The following SAMD10 variants were observed in gnomAD, a reference collection of about 807,000 sequenced individuals.
SAMD10 encodes sterile alpha motif domain containing 10.
A neutral mutation model predicts 22.5 loss-of-function variants in SAMD10; 16 were observed. The ratio of observed to expected loss-of-function variants is 0.71; its 90% CI spans 0.48 to 1.08. The LOEUF is 1.08. Ranked by LOEUF, SAMD10 falls within the 50% of genes least tolerant of loss-of-function variation. The pLI is 0.00. For synonymous variants in SAMD10, 118 were observed against 122.2 expected (o/e 0.97, Z 0.23); for missense variants, 227 against 281.3 (o/e 0.81, Z 1.38).
Position 63,975,177 on chromosome 20 carries a change from C to T in SAMD10, c.*333G>A. The T allele has an allele frequency of 2.4e-6, 1 of 420,716 alleles. No individual in the cohort carries two copies. The highest frequency in any genetic ancestry group is 4.3e-6 in the Non-Finnish European group (1 of 234,666). The allele number at this position is 420,716 out of a possible 1,614,324, so 26.1% of individuals were successfully genotyped here. A position where few individuals can be genotyped will look rare whatever the true frequency, so the allele number is the denominator to read the frequency against. On this transcript the variant is annotated 3_prime_UTR_variant, in exon 5 of 5. Transcript: ENST00000369886. ...GAGGGGAATGTAAATAAACAGACTC[C>T]CTGGGAGTCTAGGGGGGACATCCAA...
Position 63,975,190 on chromosome 20 carries a change from G to A in SAMD10, c.*320C>T. 4.4e-6 allele frequency: 2 copies of A among 457,024 alleles called. No homozygotes were observed. The highest frequency in any genetic ancestry group is 2.6e-5 in the South Asian group (1 of 38,780). The allele number at this position is 457,024 out of a possible 1,614,324, so 28.3% of individuals were successfully genotyped here. ...ATAAACAGACTCCCTGGGAGTCTAGGGGGGACATCCAAACCGGTTCTGGCT... is the reference window on the plus strand; with the variant it reads ...ATAAACAGACTCCCTGGGAGTCTAGAGGGGACATCCAAACCGGTTCTGGCT... On this transcript the variant is annotated 3_prime_UTR_variant, in exon 5 of 5. Coordinates refer to ENST00000369886, the MANE Select transcript of SAMD10 (RefSeq NM_080621.5).
chr20:63,979,411 C>T lies in SAMD10; in HGVS notation c.57G>A (p.Val19=), dbSNP rs747867987. Residue 19 remains valine (V), a synonymous_variant, in exon 1 of 5, where the codon GTG becomes GTA. Coordinates refer to ENST00000369886, the MANE Select transcript of SAMD10 (RefSeq NM_080621.5). The surrounding 1 kb of genome is among the most constrained non-coding windows in gnomAD (Gnocchi z 7.7). ...CCCGGCGCTCCCCGAAGCCCGCGCG[C>T]ACGGCCCCGGCGCGGCCACGCGGGG... ...LSPPRGRAGA[V]RAGFGERRDV... 14 of 1,487,488 alleles carry T rather than the reference C, an allele frequency of 9.4e-6. No homozygotes were observed. In the Admixed American group the frequency reaches 2.9e-4, roughly 31 times the overall value. 92.1% of individuals were successfully genotyped at this position (1,487,488 alleles called of 1,614,324 possible). A position where few individuals can be genotyped will look rare whatever the true frequency, so the allele number is the denominator to read the frequency against.
At chr20:63,978,500 C>G (rs140554107) in intron 1 of SAMD10, 6 of 348,478 alleles carry the variant, frequency 1.7e-5, no homozygotes, top group Non-Finnish European at 3.4e-5. Flanking sequence ...CCCTCCCGGC[C>G]TCAGACTCAG....
Position 63,977,068 on chromosome 20 carries a change from G to A in SAMD10, c.348C>T (p.Val116=), listed in dbSNP as rs766149750. Residue 116 remains valine (V), a synonymous_variant, in exon 3 of 5, where the codon GTC becomes GTT. Coordinates refer to ENST00000369886, the MANE Select transcript of SAMD10 (RefSeq NM_080621.5). The surrounding 1 kb of genome is among the most constrained non-coding windows in gnomAD (Gnocchi z 5.4). ...PSLGGLTRPV[V]LWSQQDVCKW... is the part of the protein sequence containing the mutation. ...TGCAGACGTCCTGCTGACTCCACAG[G>A]ACCACGGGCCGGGTCAGGCCACCCA... The A allele has an allele frequency of 3.1e-6, 5 of 1,614,030 alleles. No individual in the cohort carries two copies. In the Admixed American group the frequency reaches 8.3e-5, roughly 27 times the overall value.
In SAMD10 at chr20:63,977,449, C is replaced by A; in HGVS notation, c.92-43G>T. The A allele has an allele frequency of 6.3e-7, 1 of 1,591,948 alleles. No individual in the cohort carries two copies. The stretch of plus-strand genomic sequence containing the variant: ...TGGTCAGGGCAGTCAAGGGCAGAAC[C>A]AGAGGCTTCCTCTACTTGAGAGCTA... On this transcript the variant is annotated intron_variant, in intron 1 of 4. Transcript: ENST00000369886. The surrounding 1 kb of genome is among the most constrained non-coding windows in gnomAD (Gnocchi z 5.4).
Position 63,977,197 on chromosome 20 carries a change from G to A in SAMD10, c.273+28C>T, listed in dbSNP as rs2122935045. The A allele has an allele frequency of 6.2e-7, 1 of 1,606,818 alleles. No individual in the cohort carries two copies. Among genetic ancestry groups the A allele is most frequent in the Non-Finnish European group, 8.5e-7 (1 of 1,173,860 alleles). ...GAGAGTGGTGGAGAAGGAGGGCAGG[G>A]ACGGAGGTGGGTGGAGTGGGTGGGT... On this transcript the variant is annotated intron_variant, in intron 2 of 4. Transcript: ENST00000369886. This position sits in a 1 kb window ranked among gnomAD's most constrained non-coding sequence, Gnocchi z 5.4.
intron 3 of SAMD10, 146 bp from the exon 4 acceptor site, chr20:63,975,978 G>T (rs1320659711): frequency 3.7e-6 from 3 of 805,246 alleles, no homozygotes. Context: ...TTCAAGACCA[G>T]CCTGGACAAC....
rs2122946480 is a variant in SAMD10, at chr20:63,979,194, C to T, written c.91+183G>A. On this transcript the variant is annotated intron_variant, in intron 1 of 4. Transcript: ENST00000369886. This position sits in a 1 kb window ranked among gnomAD's most constrained non-coding sequence, Gnocchi z 7.7. ...GCCAAGGGCGCGCTGACCCCCAAGG[C>T]CTGAGGCTGGCTGCCCCCTAAAGCA... Among the ~76,000 whole-genome samples the T allele has an allele frequency of 6.6e-6, 1 of 152,178 alleles. No homozygotes were observed. Among genetic ancestry groups the T allele is most frequent in the East Asian group, 1.9e-4 (1 of 5,148 alleles).
Position 63,975,414 on chromosome 20 carries a change from C to T in SAMD10, c.*96G>A. The T allele has an allele frequency of 5.3e-6, 8 of 1,508,994 alleles. No homozygotes were observed. Among genetic ancestry groups the T allele is most frequent in the Non-Finnish European group, 7.3e-6 (8 of 1,099,006 alleles). 93.5% of individuals were successfully genotyped at this position (1,508,994 alleles called of 1,614,324 possible). On this transcript the variant is annotated 3_prime_UTR_variant, in exon 5 of 5. Coordinates refer to ENST00000369886, the MANE Select transcript of SAMD10 (RefSeq NM_080621.5). ...CCAGCCTGGCCGCCCCGGCATCCCG[C>T]AGGGTCCAAGAGGCGCTGCGGGGCC...
rs550262541 is a variant in SAMD10, at chr20:63,975,190, G to C, written c.*320C>G. ...ATAAACAGACTCCCTGGGAGTCTAGGGGGGACATCCAAACCGGTTCTGGCT... is the reference window on the plus strand; with the variant it reads ...ATAAACAGACTCCCTGGGAGTCTAGCGGGGACATCCAAACCGGTTCTGGCT... On this transcript the variant is annotated 3_prime_UTR_variant, in exon 5 of 5. Transcript: ENST00000369886. The C allele has an allele frequency of 8.5e-5, 39 of 457,020 alleles. No homozygotes were observed. The highest frequency in any genetic ancestry group is 8.1e-4 in the Admixed American group (19 of 23,602). The allele number at this position is 457,020 out of a possible 1,614,324, so 28.3% of individuals were successfully genotyped here. A position where few individuals can be genotyped will look rare whatever the true frequency, so the allele number is the denominator to read the frequency against.
intron 1 of SAMD10, among the ~76,000 whole-genome samples, chr20:63,978,599 C>T (rs982365538): frequency 6.6e-6 from 1 of 152,192 alleles, no homozygotes; most frequent in African/African-American, 2.4e-5. Flanking sequence ...CCCCGTCCTC[C>T]CACGCCTGTA....
Position 63,977,146 on chromosome 20 carries a change from C to T in SAMD10, c.274-4G>A, listed in dbSNP as rs117867277. 0.045 allele frequency: 72,775 copies of T among 1,613,054 alleles called. 1,948 individuals are homozygous for T. Among genetic ancestry groups the T allele is most frequent in the Non-Finnish European group, 0.055 (65,014 of 1,179,294 alleles). On this transcript the variant is annotated splice_polypyrimidine_tract_variant and splice_region_variant and intron_variant, in intron 2 of 4. Transcript: ENST00000369886. The surrounding 1 kb of genome is among the most constrained non-coding windows in gnomAD (Gnocchi z 5.4). ...AGTGGTCAGAGTACAGCCGGCCCTG[C>T]AGGGGAGGGGCGTGGCAGGCAGAGT...
Position 63,979,335 on chromosome 20 carries a change from C to T in SAMD10, c.91+42G>A, listed in dbSNP as rs1190845343. 2 of 1,405,196 alleles carry T rather than the reference C, an allele frequency of 1.4e-6. No homozygotes were observed. Among genetic ancestry groups the T allele is most frequent in the East Asian group, 3.0e-5 (1 of 33,070 alleles). 87.0% of individuals were successfully genotyped at this position (1,405,196 alleles called of 1,614,324 possible). A position where few individuals can be genotyped will look rare whatever the true frequency, so the allele number is the denominator to read the frequency against. ...CCCGTGCCTCTGGGTCCCTGAGACC[C>T]CCGCCCGAGAAATCCCCGCTCCCCA... On this transcript the variant is annotated intron_variant, in intron 1 of 4. Transcript: ENST00000369886. This position sits in a 1 kb window ranked among gnomAD's most constrained non-coding sequence, Gnocchi z 7.7.
chr20:63,978,264 C>T lies in SAMD10; in HGVS notation c.92-858G>A, dbSNP rs768163625. 23 of 1,287,854 alleles carry T rather than the reference C, an allele frequency of 1.8e-5. No individual in the cohort carries two copies. In the South Asian group the frequency reaches 2.0e-4, roughly 11 times the overall value. 79.8% of individuals were successfully genotyped at this position (1,287,854 alleles called of 1,614,324 possible). On this transcript the variant is annotated intron_variant, in intron 1 of 4. Coordinates refer to ENST00000369886, the MANE Select transcript of SAMD10 (RefSeq NM_080621.5). ...GCTGACCTGAGTCTGGGGAGGCAGGCGTCTTGATCCAGGTCTGGTTACAGA... is the reference window on the plus strand; with the variant it reads ...GCTGACCTGAGTCTGGGGAGGCAGGTGTCTTGATCCAGGTCTGGTTACAGA...
At chr20:63,978,728 C>A (rs2059041522) in intron 1 of SAMD10, among the ~76,000 whole-genome samples, 1 of 152,244 alleles carries the variant, frequency 6.6e-6, no homozygotes, top group Non-Finnish European at 1.5e-5. Flanking sequence ...TGGGCCACCG[C>A]CCCGAGGTGG....
chr20:63,976,876 A>T lies in SAMD10; in HGVS notation c.445+95T>A. On this transcript the variant is annotated intron_variant, in intron 3 of 4. Transcript: ENST00000369886. Reference sequence around the variant, plus strand: ...ATTCACAGGAGAAACTAGACAGACGAAAACAACAGCAAGAGAAAGGCAGGC... The same window carrying T: ...ATTCACAGGAGAAACTAGACAGACGTAAACAACAGCAAGAGAAAGGCAGGC... 5.4e-6 allele frequency: 7 copies of T among 1,300,718 alleles called. No homozygotes were observed. The South Asian group carries it at 9.1e-5, about 17-fold the overall frequency. 80.6% of individuals were successfully genotyped at this position (1,300,718 alleles called of 1,614,324 possible). A position where few individuals can be genotyped will look rare whatever the true frequency, so the allele number is the denominator to read the frequency against.
rs768427984 is a variant in SAMD10, at chr20:63,977,443, C to T, written c.92-37G>A. On this transcript the variant is annotated intron_variant, in intron 1 of 4. Coordinates refer to ENST00000369886, the MANE Select transcript of SAMD10 (RefSeq NM_080621.5). This position sits in a 1 kb window ranked among gnomAD's most constrained non-coding sequence, Gnocchi z 5.4. ...GGTGCCTGGTCAGGGCAGTCAAGGG[C>T]AGAACCAGAGGCTTCCTCTACTTGA... 6.2e-7 allele frequency: 1 copy of T among 1,602,730 alleles called. No homozygotes were observed. The highest frequency in any genetic ancestry group is 8.5e-7 in the Non-Finnish European group (1 of 1,172,760).
At chr20:63,978,929 G>C (rs921737110) in intron 1 of SAMD10, among the ~76,000 whole-genome samples, 2 of 152,138 alleles carry the variant, frequency 1.3e-5, no homozygotes, top group Non-Finnish European at 2.9e-5. Flanking sequence ...CCCATTTCCT[G>C]CCTGCACTCC....
rs2059011279 is a variant in SAMD10 at position 63,974,960 on chromosome 20, G to A, written c.*550C>T. On this transcript the variant is annotated 3_prime_UTR_variant, in exon 5 of 5. Transcript: ENST00000369886. Reference sequence around the variant, plus strand: ...TGGTGCCCGTTAGGCGGGTGCTGATGGCCACTACTCTAGATGATGGGTTGG... The same window carrying A: ...TGGTGCCCGTTAGGCGGGTGCTGATAGCCACTACTCTAGATGATGGGTTGG... 6.3e-6 allele frequency: 1 copy of A among 157,802 alleles called. No individual in the cohort carries two copies. Among genetic ancestry groups the A allele is most frequent in the South Asian group, 1.7e-4 (1 of 5,734 alleles). The allele number at this position is 157,802 out of a possible 1,614,324, so 9.8% of individuals were successfully genotyped here.
Sources: allele counts gnomAD v4.1 joint callset (sites outside exome capture counted in the v4.1 genomes callset), GRCh38; gene constraint gnomAD v4.1.1; non-coding constraint Gnocchi (gnomAD v3.1); transcripts MANE v1.5; gene names NCBI Gene and HGNC (gene_info 2026-07-23, HGNC 2026-07-21).